Variants in CRADD observed in about 807,000 individuals in gnomAD.
CRADD encodes the protein death domain-containing protein CRADD.
A neutral mutation model predicts 15.5 loss-of-function variants in CRADD; 9 were observed. The ratio of observed to expected loss-of-function variants is 0.58; its 90% CI spans 0.35 to 1.01. The LOEUF (loss-of-function observed/expected upper bound fraction) is 1.01, where lower values mean the gene tolerates loss of function less well. Ranked by LOEUF, CRADD falls within the 50% of genes least tolerant of loss-of-function variation. CRADD has a pLI of 0.02. For synonymous variants in CRADD, 118 were observed against 107.6 expected (o/e 1.10, Z -0.60); for missense variants, 227 against 250.3 (o/e 0.91, Z 0.63).
intron 2 of CRADD, among the ~76,000 whole-genome samples, chr12:93,722,635 G>A (rs975414056): frequency 5.3e-5 from 8 of 151,928 alleles, no homozygotes; most frequent in East Asian, 3.9e-4. Context: ...TACCAAAGAC[G>A]TTCTTCATTT....
downstream of CRADD, among the ~76,000 whole-genome samples, chr12:93,854,897 T>C (rs373535959): frequency 8.5e-5 from 13 of 152,344 alleles, no homozygotes; most frequent in East Asian, 1.2e-3. Flanking sequence ...TAAAAACTTT[T>C]AAAAAATATT....
At chr12:93,866,712 G>C (rs572352115) in intron 2 of CRADD, among the ~76,000 whole-genome samples, 1 of 152,280 alleles carries the variant, frequency 6.6e-6, no homozygotes, top group African/African-American at 2.4e-5. Context: ...TTATCAGGCT[G>C]AGCTGTTTGT....
intron 2 of CRADD, among the ~76,000 whole-genome samples, chr12:93,749,247 G>T (rs528485119): frequency 1.8e-4 from 27 of 152,316 alleles, no homozygotes; most frequent in Admixed American, 7.8e-4. Flanking sequence ...AGCTAGAGAG[G>T]CCAGCAAGTT....
chr12:93,823,189 G>A (rs1025418658), intron 2 of CRADD, among the ~76,000 whole-genome samples: 5 of 151,962 alleles, frequency 3.3e-5, no homozygotes, highest in African/African-American at 1.2e-4. Context: ...CTACTCAGGA[G>A]GCTGAAACAG....
chr12:93,869,562 GA>G (rs1445916870), intron 2 of CRADD, among the ~76,000 whole-genome samples: 1 of 152,050 alleles, frequency 6.6e-6, no homozygotes, highest in African/African-American at 2.4e-5. Context: ...TTTCAGGAAA[GA>G]GATGAAAATG....
At chr12:93,873,567 A>G (rs1408731852) in intron 2 of CRADD, among the ~76,000 whole-genome samples, 2 of 152,052 alleles carry the variant, frequency 1.3e-5, no homozygotes, top group Non-Finnish European at 2.9e-5. Context: ...GACTTTTATT[A>G]TATTGAAGTA....
chr12:93,756,972 A>T (rs1404023712), intron 2 of CRADD, among the ~76,000 whole-genome samples: 1 of 152,188 alleles, frequency 6.6e-6, no homozygotes, highest in African/African-American at 2.4e-5. Context: ...CAGTTAATTT[A>T]TTTGCCAGTC....
intron 2 of CRADD, among the ~76,000 whole-genome samples, chr12:93,814,400 C>T (rs1002277161): frequency 6.6e-6 from 1 of 152,100 alleles, no homozygotes; most frequent in Non-Finnish European, 1.5e-5. Flanking sequence ...CATGTTCCCC[C>T]CAGAGTACAC....
intron 2 of CRADD, among the ~76,000 whole-genome samples, chr12:93,814,026 G>T (rs3858603): frequency 6.6e-6 from 1 of 151,844 alleles, no homozygotes; most frequent in African/African-American, 2.4e-5. Flanking sequence ...TTAAGGGCAA[G>T]TGAGGGCAGT....
intron 2 of CRADD, among the ~76,000 whole-genome samples, chr12:93,838,897 G>A (rs1958015331): frequency 6.6e-6 from 1 of 151,332 alleles, no homozygotes; most frequent in Non-Finnish European, 1.5e-5. Flanking sequence ...CGAGCACCTG[G>A]GACTACAGGT....
chr12:93,769,908 T>C, intron 2 of CRADD, among the ~76,000 whole-genome samples: 1 of 152,212 alleles, frequency 6.6e-6, no homozygotes, highest in East Asian at 1.9e-4. Context: ...TTGTTGGTTA[T>C]ATGTGTCAGC....
intron 2 of CRADD, among the ~76,000 whole-genome samples, chr12:93,805,935 C>G (rs1170242383): frequency 6.6e-6 from 1 of 152,124 alleles, no homozygotes; most frequent in East Asian, 1.9e-4. Flanking sequence ...CAGCAAGTCC[C>G]TGAAGGGGGC....
chr12:93,740,450 A>G (rs547637377), intron 2 of CRADD, among the ~76,000 whole-genome samples: 4 of 152,244 alleles, frequency 2.6e-5, no homozygotes, highest in Non-Finnish European at 5.9e-5. Context: ...CTTTTTTTCG[A>G]AAACCAATTT....
chr12:93,786,684 A>G (rs1957281587), intron 2 of CRADD, among the ~76,000 whole-genome samples: 1 of 152,218 alleles, frequency 6.6e-6, no homozygotes, highest in Non-Finnish European at 1.5e-5. Flanking sequence ...GGTAGAAGGC[A>G]GTAAAACCAA....
At chr12:93,700,433 AT>A (rs5800111) in intron 2 of CRADD, among the ~76,000 whole-genome samples, 23 of 149,064 alleles carry the variant, frequency 1.5e-4, no homozygotes, top group African/African-American at 4.2e-4. Context: ...TCCTTCAGTA[AT>A]TTTTTTTTTC....
intron 2 of CRADD, among the ~76,000 whole-genome samples, chr12:93,823,751 C>T (rs1479896089): frequency 6.6e-6 from 1 of 152,068 alleles, no homozygotes; most frequent in East Asian, 1.9e-4. Flanking sequence ...GTTGAGAATT[C>T]AGGGAGAGCC....
intron 2 of CRADD, among the ~76,000 whole-genome samples, chr12:93,800,177 G>T (rs1329585773): frequency 2.6e-5 from 4 of 152,150 alleles, no homozygotes; most frequent in Admixed American, 2.6e-4. Context: ...GAAAGCTGGT[G>T]GTGTAATTCA....
intron 2 of CRADD, among the ~76,000 whole-genome samples, chr12:93,763,734 T>G (rs1044422437): frequency 1.3e-5 from 2 of 152,140 alleles, no homozygotes; most frequent in Non-Finnish European, 2.9e-5. Flanking sequence ...TTAGTGTGCA[T>G]ATGTGTAAGT....
chr12:93,822,780 A>G (rs1468785876), intron 2 of CRADD, among the ~76,000 whole-genome samples: 1 of 152,226 alleles, frequency 6.6e-6, no homozygotes, highest in African/African-American at 2.4e-5. Context: ...TTCTGCATAT[A>G]TTAACACTCT....
Sources: allele counts gnomAD v4.1 joint callset (sites outside exome capture counted in the v4.1 genomes callset), GRCh38; gene constraint gnomAD v4.1.1; transcripts MANE v1.5; gene names NCBI Gene and HGNC (gene_info 2026-07-23, HGNC 2026-07-21).